The following KDM2B variants were observed in gnomAD, a reference collection of about 807,000 sequenced individuals.
The protein encoded by KDM2B is lysine-specific demethylase 2B.
KDM2B carries 26 observed loss-of-function variants against 150.0 expected under a neutral mutation model. The observed-to-expected ratio is 0.17, with a 90% CI of 0.13 to 0.24. The LOEUF is 0.24. Ranked by LOEUF, KDM2B falls within the 10% of genes least tolerant of loss-of-function variation. KDM2B has a pLI of 1.00. For missense variants in KDM2B, 1,265 were observed against 1,816.9 expected, an observed-to-expected ratio of 0.70 and a Z score of 5.52; for synonymous variants, 734 against 729.5, an observed-to-expected ratio of 1.01 and a Z score of -0.10.
chr12:121,450,256 G>C (rs144868040), intron 13 of KDM2B, among the ~76,000 whole-genome samples: 2 of 151,614 alleles, frequency 1.3e-5, no homozygotes, highest in Non-Finnish European at 2.9e-5. Flanking sequence ...AGAAGTTGCA[G>C]TGAGCCGAGA....
intron 22 of KDM2B, among the ~76,000 whole-genome samples, chr12:121,438,388 A>G (rs1555287307): frequency 6.6e-6 from 1 of 152,206 alleles, no homozygotes; most frequent in Non-Finnish European, 1.5e-5. Flanking sequence ...ACCGCAGGGG[A>G]GGGAATTTAT....
At chr12:121,427,822 TC>T (rs201916533), downstream of KDM2B, among the ~76,000 whole-genome samples, 1,033 of 152,252 alleles carry the variant, frequency 6.8e-3, 15 homozygotes, top group African/African-American at 0.023. Flanking sequence ...CCTTAACTAG[TC>T]CCAGTTGCAG....
At chr12:121,446,791 G>A (rs553566891) in intron 13 of KDM2B, among the ~76,000 whole-genome samples, 5 of 152,268 alleles carry the variant, frequency 3.3e-5, no homozygotes, top group East Asian at 3.9e-4. Context: ...ACCATAACCC[G>A]CACAGCTTCC....
chr12:121,432,856 T>G (rs1457858463), intron 22 of KDM2B, among the ~76,000 whole-genome samples: 2 of 152,242 alleles, frequency 1.3e-5, no homozygotes, highest in African/African-American at 4.8e-5. Context: ...GCCTAGTTCC[T>G]GGCTAGAAGG....
chr12:121,495,858 CA>C (rs1883878642), intron 11 of KDM2B, among the ~76,000 whole-genome samples: 1 of 151,786 alleles, frequency 6.6e-6, no homozygotes, highest in African/African-American at 2.4e-5. Flanking sequence ...AGGATGGAGT[CA>C]CGTGGCCAAA....
At chr12:121,547,170 T>C (rs1889122831) in intron 6 of KDM2B, among the ~76,000 whole-genome samples, 1 of 152,126 alleles carries the variant, frequency 6.6e-6, no homozygotes, top group Non-Finnish European at 1.5e-5. Context: ...GCTTGTAGTC[T>C]TGTTCCTGTT....
At chr12:121,508,595 C>G (rs1885300495) in intron 11 of KDM2B, among the ~76,000 whole-genome samples, 1 of 152,134 alleles carries the variant, frequency 6.6e-6, no homozygotes, top group South Asian at 2.1e-4. Context: ...TCGGAGGCCT[C>G]AACCAAAAAG....
chr12:121,499,369 C>T (rs1169227668), intron 11 of KDM2B, among the ~76,000 whole-genome samples: 2 of 151,606 alleles, frequency 1.3e-5, no homozygotes, highest in Non-Finnish European at 2.9e-5. Flanking sequence ...GATCCACCCA[C>T]CTCGGCCTCC....
Position 121,549,058 on chromosome 12 carries a change from G to A in KDM2B, c.577-75C>T, listed in dbSNP as rs1222845847. 9 of 1,243,868 alleles carry A rather than the reference G, an allele frequency of 7.2e-6. No homozygotes were observed. The African/African-American group carries it at 1.3e-4, about 18-fold the overall frequency. The allele number at this position is 1,243,868 out of a possible 1,614,324, so 77.1% of individuals were successfully genotyped here. A position where few individuals can be genotyped will look rare whatever the true frequency, so the allele number is the denominator to read the frequency against. On this transcript the variant is annotated intron_variant, in intron 5 of 22. Coordinates refer to ENST00000377071, the MANE Select transcript of KDM2B (RefSeq NM_032590.5). This position sits in a 1 kb window ranked among gnomAD's most constrained non-coding sequence, Gnocchi z 4.4. ...ACACAAATACCCCTTTCCCCGGAGAGTCCTTGGGCCCCCCCGCTCCCCCAA... is the reference window on the plus strand; with the variant it reads ...ACACAAATACCCCTTTCCCCGGAGAATCCTTGGGCCCCCCCGCTCCCCCAA...
chr12:121,533,019 G>T lies in KDM2B; in HGVS notation c.778-60C>A, dbSNP rs888070631. 6.3e-7 allele frequency: 1 copy of T among 1,584,558 alleles called. No homozygotes were observed. Among genetic ancestry groups the T allele is most frequent in the Non-Finnish European group, 8.6e-7 (1 of 1,157,284 alleles). On this transcript the variant is annotated intron_variant, in intron 7 of 22. Transcript: ENST00000377071. This position sits in a 1 kb window ranked among gnomAD's most constrained non-coding sequence, Gnocchi z 4.1. ...CAGGCCCAGACAAGACCCAGAGAGA[G>T]GGCCCCACCTGCCTGGCGGAAGGGG...
intron 12 of KDM2B, among the ~76,000 whole-genome samples, chr12:121,472,211 GT>G (rs1347470570): frequency 1.3e-5 from 2 of 152,212 alleles, no homozygotes. Context: ...GCGCGCTTCA[GT>G]TATTTTACTA....
intron 12 of KDM2B, among the ~76,000 whole-genome samples, chr12:121,460,789 G>T (rs1879006459): frequency 6.6e-6 from 1 of 152,072 alleles, no homozygotes; most frequent in African/African-American, 2.4e-5. Flanking sequence ...TAGGGATGGG[G>T]TCTTGCTATG....
chr12:121,506,510 A>C (rs189715954), intron 11 of KDM2B, among the ~76,000 whole-genome samples: 90 of 152,288 alleles, frequency 5.9e-4, no homozygotes, highest in African/African-American at 1.9e-3. Flanking sequence ...GCCTGAAAAG[A>C]GCCTCATTAG....
chr12:121,465,293 T>C (rs1251871766), intron 12 of KDM2B, among the ~76,000 whole-genome samples: 2 of 152,242 alleles, frequency 1.3e-5, no homozygotes, highest in Non-Finnish European at 2.9e-5. Context: ...AGTGGCACGA[T>C]CTCGGCTCAT....
At chr12:121,581,902 CCTAT>C (rs1423679976), upstream of KDM2B, among the ~76,000 whole-genome samples, 29 of 152,298 alleles carry the variant, frequency 1.9e-4, no homozygotes, top group African/African-American at 6.0e-4. Flanking sequence ...AGTTTCCTGT[CCTAT>C]CTGACTGTAG....
In KDM2B at chr12:121,503,134, C is replaced by T. The variant is rs147322204; in HGVS notation, c.1647+6433G>A. The stretch of plus-strand genomic sequence containing the variant: ...CTGGGCCTACAGGCGTGCGCCATCA[C>T]GCCCAACTAATCTTTGTATTTTTAG... On this transcript the variant is annotated intron_variant, in intron 11 of 22. Coordinates refer to ENST00000377071, the MANE Select transcript of KDM2B (RefSeq NM_032590.5). Among the ~76,000 whole-genome samples, 72 of 151,930 alleles carry T rather than the reference C, an allele frequency of 4.7e-4. No individual in the cohort carries two copies. In the East Asian group the frequency reaches 8.1e-3, roughly 17 times the overall value.
At chr12:121,484,132 C>G (rs1882475399) in intron 12 of KDM2B, among the ~76,000 whole-genome samples, 1 of 152,184 alleles carries the variant, frequency 6.6e-6, no homozygotes, top group Admixed American at 6.5e-5. Flanking sequence ...CCACCTTCCC[C>G]TCTCCTGCAG....
Position 121,442,653 on chromosome 12 carries a change from T to C in KDM2B, c.2788A>G (p.Lys930Glu), listed in dbSNP as rs201910478. 5.2e-5 allele frequency: 84 copies of C among 1,605,090 alleles called. 1 individual carries two copies. The highest frequency in any genetic ancestry group is 4.5e-4 in the Admixed American group (27 of 59,412). ...STEGAEGPEE[K>E]KKVKMRRKRR... ...TTCCGGCGCATCTTCACCTTCTTCT[T>C]CTCCTCCGGGCCCTCGGCCCCTTCG... Residue 930 changes from lysine to glutamate, a missense_variant, in exon 19 of 23, where the codon AAG becomes GAG. By Grantham distance (56) the Lys-to-Glu change is moderately conservative. This residue lies in a region of KDM2B where 418 missense variants were observed against 402.4 expected (regional missense o/e 1.04). Coordinates refer to ENST00000377071, the MANE Select transcript of KDM2B (RefSeq NM_032590.5). The surrounding 1 kb of genome is among the most constrained non-coding windows in gnomAD (Gnocchi z 7.7).
chr12:121,443,171 G>C, intron 17 of KDM2B, 141 bp from the exon 18 acceptor site: 1 of 758,946 alleles, frequency 1.3e-6, no homozygotes, highest in East Asian at 2.7e-5. Flanking sequence ...CCATCTCCAC[G>C]TCTGACCGAC....
Sources: gnomAD v4.1 joint callset for allele counts (sites outside exome capture counted in the v4.1 genomes callset) on GRCh38, gnomAD v4.1.1 for gene constraint, gnomAD v4.1.1 regional missense constraint, Gnocchi (gnomAD v3.1) non-coding constraint, MANE v1.5 for transcripts, NCBI Gene and HGNC (gene_info 2026-07-23, HGNC 2026-07-21) for gene names.